The following SPATS2 variants were observed in gnomAD, a reference collection of about 807,000 sequenced individuals.
SPATS2 encodes spermatogenesis-associated serine-rich protein 2.
In SPATS2, 38 loss-of-function variants were observed where a neutral mutation model predicts 63.7. The observed-to-expected ratio is 0.60, with a 90% confidence interval of 0.46 to 0.78. SPATS2 has a LOEUF of 0.78. Ranked by LOEUF, SPATS2 falls within the 30% of genes least tolerant of loss-of-function variation. The pLI, the probability that SPATS2 is intolerant of heterozygous loss-of-function variation, is 0.00. For missense variants in SPATS2, 588 were observed against 666.2 expected, an observed-to-expected ratio of 0.88 and a Z score of 1.29; for synonymous variants, 207 against 232.9, an observed-to-expected ratio of 0.89 and a Z score of 1.01.
chr12:49,381,117 T>C (rs978450373), intron 2 of SPATS2, among the ~76,000 whole-genome samples: 5 of 152,190 alleles, frequency 3.3e-5, no homozygotes, highest in African/African-American at 9.7e-5. Flanking sequence ...TATCTCGTGC[T>C]TTTTATTTGC....
chr12:49,497,698 T>C (rs1356903078), intron 8 of SPATS2, among the ~76,000 whole-genome samples: 4 of 152,060 alleles, frequency 2.6e-5, no homozygotes, highest in Admixed American at 6.6e-5. Flanking sequence ...CCAGCCAACA[T>C]TGACATTTTA....
chr12:49,415,379 A>G (rs935924149), intron 2 of SPATS2, among the ~76,000 whole-genome samples: 15 of 152,144 alleles, frequency 9.9e-5, no homozygotes, highest in African/African-American at 3.6e-4. Context: ...TGTTTGCTAT[A>G]TGGGAAGGCT....
chr12:49,423,535 C>T (rs753678957), intron 2 of SPATS2, among the ~76,000 whole-genome samples: 11 of 152,210 alleles, frequency 7.2e-5, no homozygotes, highest in Non-Finnish European at 1.5e-4. Context: ...AGCCTCCTTG[C>T]ATTCTGATAT....
chr12:49,389,735 C>T, intron 2 of SPATS2: 1 of 1,538,566 alleles, frequency 6.5e-7, no homozygotes. Context: ...AGCAAGAAAA[C>T]AGACAAATCA....
chr12:49,396,098 A>AT (rs1426854426), intron 2 of SPATS2, among the ~76,000 whole-genome samples: 12 of 152,312 alleles, frequency 7.9e-5, no homozygotes, highest in African/African-American at 2.9e-4. Flanking sequence ...AAAACTTAAT[A>AT]TTCCATTGTA....
At chr12:49,415,474 T>A (rs113337140) in intron 2 of SPATS2, among the ~76,000 whole-genome samples, 8,271 of 152,310 alleles carry the variant, frequency 0.054, 321 homozygotes, top group Non-Finnish European at 0.077. Flanking sequence ...GTATAATTTC[T>A]TCTGGAGCTT....
At chr12:49,390,119 T>C in intron 2 of SPATS2, 1 of 1,529,946 alleles carries the variant, frequency 6.5e-7, no homozygotes, top group Non-Finnish European at 9.0e-7. Context: ...AGTACTTCTT[T>C]GTCAGCATTA....
chr12:49,440,680 G>A (rs1428429597), intron 2 of SPATS2, among the ~76,000 whole-genome samples: 2 of 152,090 alleles, frequency 1.3e-5, no homozygotes, highest in Non-Finnish European at 2.9e-5. Flanking sequence ...TGTTAGCCAG[G>A]ATGGTCTCGA....
chr12:49,514,300 A>G (rs1271302816), intron 9 of SPATS2: 2 of 385,094 alleles, frequency 5.2e-6, no homozygotes, highest in African/African-American at 2.1e-5. Flanking sequence ...GACGTCTACA[A>G]TTGGTGTACT....
intron 2 of SPATS2, among the ~76,000 whole-genome samples, chr12:49,408,459 G>T (rs1348525971): frequency 1.3e-5 from 2 of 151,742 alleles, no homozygotes; most frequent in African/African-American, 4.8e-5. Context: ...TGCCATGTTG[G>T]CCAGGCTGGT....
intron 2 of SPATS2, among the ~76,000 whole-genome samples, chr12:49,403,862 A>T (rs1268140226): frequency 6.6e-6 from 1 of 152,136 alleles, no homozygotes; most frequent in Non-Finnish European, 1.5e-5. Flanking sequence ...GCCAAAGAAA[A>T]AGAGTAGAAG....
At chr12:49,439,367 T>TA (rs1332737925) in intron 2 of SPATS2, among the ~76,000 whole-genome samples, 2 of 152,190 alleles carry the variant, frequency 1.3e-5, no homozygotes, top group South Asian at 2.1e-4. Context: ...TGTTTTTTCT[T>TA]AAAAAACTGG....
chr12:49,497,091 A>G, intron 8 of SPATS2, 82 bp downstream of exon 8: 2 of 1,376,424 alleles, frequency 1.5e-6, no homozygotes, highest in Non-Finnish European at 2.0e-6. Flanking sequence ...TGTTGCCATA[A>G]ATAAGGTTTC....
At chr12:49,506,389 G>A (rs995254021) in intron 9 of SPATS2, among the ~76,000 whole-genome samples, 1 of 152,190 alleles carries the variant, frequency 6.6e-6, no homozygotes, top group Non-Finnish European at 1.5e-5. Context: ...GGCAAAGGAG[G>A]AGCAAAGTCA....
chr12:49,505,669 A>T (rs1164622256), intron 9 of SPATS2, among the ~76,000 whole-genome samples: 1 of 152,212 alleles, frequency 6.6e-6, no homozygotes, highest in Non-Finnish European at 1.5e-5. Context: ...ATGTTCAGTT[A>T]TATTATTGGA....
intron 9 of SPATS2, among the ~76,000 whole-genome samples, chr12:49,500,590 G>T (rs573793150): frequency 0.017 from 2,551 of 152,172 alleles, 35 homozygotes; most frequent in Middle Eastern, 0.041. Context: ...GGCTAACACG[G>T]TGAAAACCCG....
chr12:49,514,337 A>G (rs1946804374), intron 9 of SPATS2: 1 of 495,700 alleles, frequency 2.0e-6, no homozygotes, highest in Admixed American at 3.7e-5. Flanking sequence ...ATTGCAATAT[A>G]AAAGGGAATT....
chr12:49,496,302 C>T (rs934411506), intron 7 of SPATS2, among the ~76,000 whole-genome samples: 2 of 152,048 alleles, frequency 1.3e-5, no homozygotes, highest in Non-Finnish European at 2.9e-5. Flanking sequence ...TTTGAGAGAC[C>T]TGGTCTCTCT....
chr12:49,449,876 A>G (rs899390556), intron 2 of SPATS2, among the ~76,000 whole-genome samples: 3 of 152,118 alleles, frequency 2.0e-5, no homozygotes, highest in Admixed American at 1.3e-4. Flanking sequence ...ACACAGCCAA[A>G]CCATATCAAT....
Sources: gnomAD v4.1 joint callset for allele counts (sites outside exome capture counted in the v4.1 genomes callset) on GRCh38, gnomAD v4.1.1 for gene constraint, MANE v1.5 for transcripts, NCBI Gene and HGNC (gene_info 2026-07-23, HGNC 2026-07-21) for gene names.